COL5A2: variants seen among roughly 807,000 people sequenced by gnomAD.
COL5A2 encodes the protein collagen alpha-2(V) chain.
COL5A2 carries 23 observed loss-of-function variants against 208.2 expected under a neutral mutation model. The observed-to-expected ratio is 0.11, with a 90% CI of 0.08 to 0.16. The LOEUF (loss-of-function observed/expected upper bound fraction) is 0.16, where lower values mean the gene tolerates loss of function less well. Ranked by LOEUF, COL5A2 falls within the 10% of genes least tolerant of loss-of-function variation. The pLI is 1.00. For synonymous variants in COL5A2, 625 were observed against 628.5 expected (o/e 0.99, Z 0.08); for missense variants, 1,590 against 1,956.4 (o/e 0.81, Z 3.53).
the COL5A2 span, among the ~76,000 whole-genome samples, chr2:189,263,779 A>G: frequency 6.6e-6 from 1 of 152,184 alleles, no homozygotes; most frequent in Admixed American, 6.6e-5. Flanking sequence ...TATTCAGTAC[A>G]GTAACATGCT....
intron 7 of COL5A2, among the ~76,000 whole-genome samples, chr2:189,090,930 T>C (rs1044148880): frequency 6.6e-6 from 1 of 152,220 alleles, no homozygotes; most frequent in African/African-American, 2.4e-5. Context: ...GTTGTTTTCA[T>C]GCCTGCTAAT....
intron 1 of COL5A2, among the ~76,000 whole-genome samples, chr2:189,173,923 T>A (rs1688627343): frequency 6.6e-6 from 1 of 152,212 alleles, no homozygotes; most frequent in Non-Finnish European, 1.5e-5. Flanking sequence ...ATATCTCTAA[T>A]GTATAAATCT....
At chr2:189,135,480 T>A (rs903797688) in intron 1 of COL5A2, among the ~76,000 whole-genome samples, 34 of 152,138 alleles carry the variant, frequency 2.2e-4, no homozygotes, top group African/African-American at 7.5e-4. Flanking sequence ...TTCTGACAAA[T>A]CCTACTTCTC....
chr2:189,341,794 A>T, the COL5A2 span, among the ~76,000 whole-genome samples: 4 of 152,316 alleles, frequency 2.6e-5, no homozygotes, highest in African/African-American at 9.6e-5. Flanking sequence ...ATTTTTAATT[A>T]CTACTTAATC....
At chr2:189,222,847 C>T (rs538552542) in intron 1 of COL5A2, among the ~76,000 whole-genome samples, 1 of 152,226 alleles carries the variant, frequency 6.6e-6, no homozygotes, top group Non-Finnish European at 1.5e-5. Flanking sequence ...TACAGTATAT[C>T]ACCAAGCAAT....
At chr2:189,302,428 A>G in the COL5A2 span, among the ~76,000 whole-genome samples, 1 of 152,264 alleles carries the variant, frequency 6.6e-6, no homozygotes, top group East Asian at 1.9e-4. Context: ...CTCAGAATAT[A>G]TAACTTCCTG....
chr2:189,097,271 A>G lies in COL5A2; in HGVS notation c.456+6T>C. On this transcript the variant is annotated splice_donor_region_variant and intron_variant, in intron 6 of 53. Transcript: ENST00000374866. ...TTCCCCACAAGGAGCCCTCCTGTCA[A>G]CTTACAGGTCTTCCTTTTGGCCCTC... is the stretch of plus-strand genomic sequence containing the variant. The G allele has an allele frequency of 2.5e-6, 4 of 1,614,052 alleles. No individual in the cohort carries two copies. Among genetic ancestry groups the G allele is most frequent in the Non-Finnish European group, 3.4e-6 (4 of 1,179,960 alleles).
chr2:189,053,503 G>A, intron 37 of COL5A2, 26 bp from the exon 38 acceptor site: 1 of 1,586,226 alleles, frequency 6.3e-7, no homozygotes, highest in East Asian at 2.2e-5. Context: ...GATTACTGTA[G>A]CTTTCACACA....
In COL5A2 at chr2:189,075,380, T is replaced by C; in HGVS notation, c.1104+13A>G. 2 of 1,571,456 alleles carry C rather than the reference T, an allele frequency of 1.3e-6. No individual in the cohort carries two copies. The highest frequency in any genetic ancestry group is 1.8e-6 in the Non-Finnish European group (2 of 1,141,946). On this transcript the variant is annotated intron_variant, in intron 17 of 53. Transcript: ENST00000374866. ...ATAAATTAATGAATTAATATGAAAA[T>C]AATATAACTCACCATTGGTCCAGGT...
chr2:189,285,651 C>T, the COL5A2 span, among the ~76,000 whole-genome samples: 1 of 152,148 alleles, frequency 6.6e-6, no homozygotes, highest in Non-Finnish European at 1.5e-5. Flanking sequence ...TTCCCACTAG[C>T]AGCTCTGCTT....
chr2:189,369,967 G>A, the COL5A2 span, among the ~76,000 whole-genome samples: 1 of 152,152 alleles, frequency 6.6e-6, no homozygotes, highest in Non-Finnish European at 1.5e-5. Context: ...TATTGGGCAG[G>A]TAATAATAAC....
chr2:189,324,106 A>G, the COL5A2 span, among the ~76,000 whole-genome samples: 26 of 152,350 alleles, frequency 1.7e-4, no homozygotes, highest in African/African-American at 6.3e-4. Context: ...TGCTGGGAAA[A>G]CTGGCTAGCC....
chr2:189,253,752 T>G, the COL5A2 span, among the ~76,000 whole-genome samples: 1,078 of 152,278 alleles, frequency 7.1e-3, 16 homozygotes, highest in African/African-American at 0.024. Context: ...ACCAAACATG[T>G]TTTTTTCACC....
intron 1 of COL5A2, among the ~76,000 whole-genome samples, chr2:189,113,743 A>G (rs1309011171): frequency 6.7e-6 from 1 of 149,110 alleles, no homozygotes; most frequent in African/African-American, 2.4e-5. Flanking sequence ...ATTATTGGAT[A>G]TATATTATAT....
At chr2:189,057,211 T>A in intron 34 of COL5A2, 109 bp downstream of exon 34, 1 of 1,009,918 alleles carries the variant, frequency 9.9e-7, no homozygotes, top group Non-Finnish European at 1.5e-6. Context: ...AATGAATGAC[T>A]AGTGACTCAG....
intron 1 of COL5A2, among the ~76,000 whole-genome samples, chr2:189,131,603 C>G (rs1031469357): frequency 5.9e-5 from 9 of 152,138 alleles, no homozygotes; most frequent in Admixed American, 5.2e-4. Context: ...AAAACAGCAA[C>G]TAGGCCTGGA....
intron 4 of COL5A2, 94 bp from the exon 5 acceptor site, chr2:189,098,853 A>G (rs1439313814): frequency 1.0e-5 from 9 of 893,988 alleles, no homozygotes; most frequent in African/African-American, 3.3e-5. Flanking sequence ...CAAAAACCAC[A>G]GTAATTTTTT....
intron 1 of COL5A2, among the ~76,000 whole-genome samples, chr2:189,142,207 C>G (rs1399297166): frequency 6.6e-6 from 1 of 151,880 alleles, no homozygotes; most frequent in Non-Finnish European, 1.5e-5. Flanking sequence ...CATTTTAGTG[C>G]AAAACAAGAT....
At chr2:189,379,763 C>T in the COL5A2 span, among the ~76,000 whole-genome samples, 3 of 152,136 alleles carry the variant, frequency 2.0e-5, no homozygotes, top group Non-Finnish European at 4.4e-5. Flanking sequence ...ACTCCAAGCT[C>T]GTGGTCTTTC....
Sources: allele counts gnomAD v4.1 joint callset (sites outside exome capture counted in the v4.1 genomes callset), GRCh38; gene constraint gnomAD v4.1.1; transcripts MANE v1.5; gene names NCBI Gene and HGNC (gene_info 2026-07-23, HGNC 2026-07-21).